Variants in FOXO1 observed in about 807,000 individuals in gnomAD.
FOXO1 encodes forkhead box O1.
A neutral mutation model predicts 44.1 loss-of-function variants in FOXO1; 6 were observed. The observed-to-expected ratio is 0.14, with a 90% CI of 0.07 to 0.27. The LOEUF (loss-of-function observed/expected upper bound fraction) is 0.27. Among genes scored for constraint, FOXO1 ranks in the 10% least tolerant of loss-of-function variants. The pLI is 1.00. For synonymous variants in FOXO1, 380 were observed against 362.7 expected (o/e 1.05, Z -0.54); for missense variants, 737 against 888.8 (o/e 0.83, Z 2.17).
chr13:40,590,087 A>G (rs1345148823), intron 1 of FOXO1, among the ~76,000 whole-genome samples: 1 of 152,178 alleles, frequency 6.6e-6, no homozygotes, highest in Non-Finnish European at 1.5e-5. Context: ...ACTCCTCCCA[A>G]TAACAGCAGT....
chr13:40,559,066 C>A, intron 2 of FOXO1, 32 bp from the exon 3 acceptor site: 1 of 402,674 alleles, frequency 2.5e-6, no homozygotes, highest in East Asian at 3.5e-5. Context: ...CGCACACACA[C>A]ATACACACAC....
intron 1 of FOXO1, among the ~76,000 whole-genome samples, chr13:40,613,091 A>G (rs1298240869): frequency 6.6e-6 from 1 of 152,228 alleles, no homozygotes; most frequent in Admixed American, 6.5e-5. Flanking sequence ...GATCTCCAGT[A>G]TTTGAACCTT....
rs1003427281 is a variant in FOXO1 at position 40,666,525 on chromosome 13, C to T, written c.-313G>A. The T allele has an allele frequency of 2.5e-5, 7 of 283,292 alleles. No homozygotes were observed. Among genetic ancestry groups the T allele is most frequent in the African/African-American group, 1.1e-4 (5 of 46,394 alleles). The allele number at this position is 283,292 out of a possible 1,614,324, so 17.5% of individuals were successfully genotyped here. ...ACAGGGCCGCGGACGGAAGGACGGACGGACGCCGCGGGCCGCTTGCTCTCC... is the reference window on the plus strand; with the variant it reads ...ACAGGGCCGCGGACGGAAGGACGGATGGACGCCGCGGGCCGCTTGCTCTCC... On this transcript the variant is annotated 5_prime_UTR_variant, in exon 1 of 3. Coordinates refer to ENST00000379561, the MANE Select transcript of FOXO1 (RefSeq NM_002015.4).
intron 1 of FOXO1, among the ~76,000 whole-genome samples, chr13:40,573,990 G>C (rs1874644258): frequency 6.6e-6 from 1 of 152,114 alleles, no homozygotes; most frequent in Non-Finnish European, 1.5e-5. Context: ...ACTCCTCTTT[G>C]GAATTTTAGT....
At chr13:40,593,185 G>A (rs567927255) in intron 1 of FOXO1, among the ~76,000 whole-genome samples, 1 of 152,174 alleles carries the variant, frequency 6.6e-6, no homozygotes. Flanking sequence ...CACCACGCCT[G>A]GCTAATTTTT....
chr13:40,642,368 C>T (rs1447301228), intron 1 of FOXO1, among the ~76,000 whole-genome samples: 1 of 152,148 alleles, frequency 6.6e-6, no homozygotes, highest in Non-Finnish European at 1.5e-5. Context: ...AGTGTACTTC[C>T]CTCAATCAGT....
intron 1 of FOXO1, among the ~76,000 whole-genome samples, chr13:40,654,769 T>C (rs963472642): frequency 1.3e-5 from 2 of 151,908 alleles, no homozygotes; most frequent in Non-Finnish European, 2.9e-5. Flanking sequence ...CACGACACTT[T>C]AGAGGTGGTA....
intron 1 of FOXO1, among the ~76,000 whole-genome samples, chr13:40,569,300 G>A (rs1461240102): frequency 6.6e-6 from 1 of 152,196 alleles, no homozygotes; most frequent in East Asian, 1.9e-4. Context: ...GGGCCCTTCT[G>A]AGTAGGTCCT....
At chr13:40,595,781 C>T (rs976727479) in intron 1 of FOXO1, among the ~76,000 whole-genome samples, 3 of 152,068 alleles carry the variant, frequency 2.0e-5, no homozygotes, top group African/African-American at 7.2e-5. Context: ...TCACCTCAAA[C>T]ATTTGTCATT....
In FOXO1 at chr13:40,666,130, G is replaced by T. The variant is rs1182709050; in HGVS notation, c.83C>A (p.Pro28His). ...PRPRSCTWPL[P>H]RPEFSQSNSA... Reference sequence around the variant, plus strand: ...GTTGGACTGGCTAAACTCCGGCCTGGGCAGCGGCCAGGTGCACGAGCGCGG... The same window carrying T: ...GTTGGACTGGCTAAACTCCGGCCTGTGCAGCGGCCAGGTGCACGAGCGCGG... The change falls in exon 1 of 3, where the codon CCC (proline) becomes CAC (histidine). Residue 28 changes from proline (P) to histidine (H), a missense_variant. By Grantham distance (77) the Pro-to-His change is moderately conservative. Transcript: ENST00000379561. The T allele has an allele frequency of 6.9e-7, 1 of 1,453,634 alleles. No individual in the cohort carries two copies. Among genetic ancestry groups the T allele is most frequent in the South Asian group, 1.3e-5 (1 of 75,734 alleles). 90.0% of individuals were successfully genotyped at this position (1,453,634 alleles called of 1,614,324 possible). A position where few individuals can be genotyped will look rare whatever the true frequency, so the allele number is the denominator to read the frequency against.
chr13:40,640,356 C>A (rs946384445), intron 1 of FOXO1, among the ~76,000 whole-genome samples: 2 of 152,188 alleles, frequency 1.3e-5, no homozygotes, highest in Non-Finnish European at 2.9e-5. Context: ...CTGAAGGTAG[C>A]CCTGGTTACC....
intron 1 of FOXO1, chr13:40,621,088 A>G (rs149864364): frequency 3.3e-5 from 8 of 246,120 alleles, no homozygotes; most frequent in African/African-American, 1.6e-4. Context: ...AAGAGCCACC[A>G]CGCCCGCCTG....
At chr13:40,581,044 ATAAG>A (rs1279295636) in intron 1 of FOXO1, among the ~76,000 whole-genome samples, 3 of 152,230 alleles carry the variant, frequency 2.0e-5, no homozygotes, top group Admixed American at 1.3e-4. Context: ...CGGAGTTGAG[ATAAG>A]TAAGAAAAAC....
chr13:40,623,310 G>C (rs1489682876), intron 1 of FOXO1, among the ~76,000 whole-genome samples: 1 of 152,160 alleles, frequency 6.6e-6, no homozygotes, highest in East Asian at 1.9e-4. Flanking sequence ...TGGGGCATTA[G>C]TTATTACTGT....
chr13:40,638,821 T>G (rs1300594188), intron 1 of FOXO1, among the ~76,000 whole-genome samples: 2 of 152,024 alleles, frequency 1.3e-5, no homozygotes, highest in African/African-American at 4.8e-5. Context: ...CTGAAGGCAG[T>G]AGAAACTTCA....
chr13:40,605,426 CA>C (rs1195296908), intron 1 of FOXO1, among the ~76,000 whole-genome samples: 1 of 152,104 alleles, frequency 6.6e-6, no homozygotes, highest in Non-Finnish European at 1.5e-5. Context: ...GTCAGCATTA[CA>C]CACACACATT....
At chr13:40,575,356 C>A (rs1566065240) in intron 1 of FOXO1, among the ~76,000 whole-genome samples, 1 of 152,092 alleles carries the variant, frequency 6.6e-6, no homozygotes, top group Non-Finnish European at 1.5e-5. Context: ...TTCAGAGAAT[C>A]AGGACTGGAA....
rs1348910129 is a variant in FOXO1, at chr13:40,556,186, T to C, written c.*2863A>G. ...GTTATTGGTAGCATATATCCAGCAG[T>C]TGAACAAGTCCAATTTGTATATCGT... On this transcript the variant is annotated 3_prime_UTR_variant, in exon 3 of 3. Coordinates refer to ENST00000379561, the MANE Select transcript of FOXO1 (RefSeq NM_002015.4). 2 of 152,278 alleles carry C rather than the reference T, an allele frequency of 1.3e-5. No homozygotes were observed. The highest frequency in any genetic ancestry group is 1.9e-4 in the East Asian group (1 of 5,208). 9.4% of individuals were successfully genotyped at this position (152,278 alleles called of 1,614,324 possible). A position where few individuals can be genotyped will look rare whatever the true frequency, so the allele number is the denominator to read the frequency against.
chr13:40,581,128 C>A (rs536899997), intron 1 of FOXO1, among the ~76,000 whole-genome samples: 2 of 152,202 alleles, frequency 1.3e-5, no homozygotes, highest in East Asian at 3.8e-4. Context: ...TTCTGGGACA[C>A]AACAGGTGTC....
Sources: gnomAD v4.1 joint callset for allele counts (sites outside exome capture counted in the v4.1 genomes callset) on GRCh38, gnomAD v4.1.1 for gene constraint, MANE v1.5 for transcripts, NCBI Gene and HGNC (gene_info 2026-07-23, HGNC 2026-07-21) for gene names.